SLC2A13: variants seen among roughly 807,000 people sequenced by gnomAD.
SLC2A13 encodes solute carrier family 2 member 13, also known as proton myo-inositol cotransporter.
A neutral mutation model predicts 64.4 loss-of-function variants in SLC2A13; 32 were observed. The ratio of observed to expected loss-of-function variants is 0.50; its 90% confidence interval spans 0.37 to 0.67. The LOEUF (loss-of-function observed/expected upper bound fraction) is 0.67, where lower values mean the gene tolerates loss of function less well. SLC2A13 is among the 30% of genes least tolerant of loss of function. The pLI is 0.00. For missense variants in SLC2A13, 743 were observed against 829.2 expected, an observed-to-expected ratio of 0.90 and a Z score of 1.28; for synonymous variants, 338 against 327.1, an observed-to-expected ratio of 1.03 and a Z score of -0.36.
At chr12:39,863,878 G>C (rs1043030449) in intron 6 of SLC2A13, among the ~76,000 whole-genome samples, 1 of 152,162 alleles carries the variant, frequency 6.6e-6, no homozygotes, top group African/African-American at 2.4e-5. Flanking sequence ...GGAGTTTAGG[G>C]TATAATGTTT....
chr12:39,896,284 A>G (rs568569412), intron 4 of SLC2A13, among the ~76,000 whole-genome samples: 2 of 129,178 alleles, frequency 1.5e-5, no homozygotes, highest in Non-Finnish European at 3.3e-5. Context: ...GTATACATGT[A>G]TGTATATGTG....
chr12:39,979,574 C>G (rs920317383), intron 3 of SLC2A13, among the ~76,000 whole-genome samples: 4 of 148,444 alleles, frequency 2.7e-5, no homozygotes, highest in Admixed American at 6.7e-5. Flanking sequence ...AGGGTATCAG[C>G]AACGGAAGAT....
At chr12:40,004,207 G>A (rs1947369811) in intron 3 of SLC2A13, among the ~76,000 whole-genome samples, 2 of 151,892 alleles carry the variant, frequency 1.3e-5, no homozygotes, top group Admixed American at 1.3e-4. Flanking sequence ...TATTTGAGAT[G>A]GAGTTTCACT....
rs535613231 is a variant in SLC2A13, at chr12:39,991,370, A to G, written c.925+36931T>C. Among the ~76,000 whole-genome samples the G allele has an allele frequency of 3.3e-5, 5 of 152,184 alleles. No individual in the cohort carries two copies. In the South Asian group the frequency reaches 8.3e-4, roughly 25 times the overall value. On this transcript the variant is annotated intron_variant, in intron 3 of 9. Coordinates refer to ENST00000280871, the MANE Select transcript of SLC2A13 (RefSeq NM_052885.4). ...GCCACTCCAGTGCTCTGCTCCCATC[A>G]TCTTCCGTGTTCACCCCACTCCCCT...
chr12:39,804,980 C>A (rs1181618279), intron 7 of SLC2A13, among the ~76,000 whole-genome samples: 1 of 88,568 alleles, frequency 1.1e-5, no homozygotes, highest in African/African-American at 4.5e-5. Context: ...TGGAAAGTGC[C>A]ACAGTCTGAG....
chr12:40,096,767 C>A (rs1592080820), intron 1 of SLC2A13, among the ~76,000 whole-genome samples: 1 of 152,000 alleles, frequency 6.6e-6, no homozygotes, highest in South Asian at 2.1e-4. Flanking sequence ...TATTTCTTTG[C>A]ATTAATTTCT....
At chr12:39,977,862 G>A (rs942345230) in intron 3 of SLC2A13, among the ~76,000 whole-genome samples, 6 of 152,186 alleles carry the variant, frequency 3.9e-5, no homozygotes, top group African/African-American at 9.7e-5. Flanking sequence ...CCAGGGCCTT[G>A]GCTCATGGTC....
intron 1 of SLC2A13, among the ~76,000 whole-genome samples, chr12:40,083,245 A>C (rs2624247): frequency 6.6e-6 from 1 of 152,046 alleles, no homozygotes. Flanking sequence ...ACAGAAACAG[A>C]AGATCCCCTT....
intron 3 of SLC2A13, among the ~76,000 whole-genome samples, chr12:40,011,684 T>C (rs1478744620): frequency 6.6e-6 from 1 of 152,176 alleles, no homozygotes; most frequent in South Asian, 2.1e-4. Flanking sequence ...CCTCGGCGTC[T>C]ACTGTTCCCA....
Position 40,105,144 on chromosome 12 carries a change from G to C in SLC2A13, c.556+109C>G. On this transcript the variant is annotated intron_variant, in intron 1 of 9. Transcript: ENST00000280871. The surrounding 1 kb of genome is among the most constrained non-coding windows in gnomAD (Gnocchi z 4.2). The stretch of plus-strand genomic sequence containing the variant: ...AGGCCAGAGAAGTGGAGGATTCTCT[G>C]ACCCTGGGAGACCAGACGGGGACCC... The C allele has an allele frequency of 7.2e-7, 1 of 1,383,360 alleles. No individual in the cohort carries two copies. Among genetic ancestry groups the C allele is most frequent in the African/African-American group, 1.5e-5 (1 of 65,412 alleles). The allele number at this position is 1,383,360 out of a possible 1,614,324, so 85.7% of individuals were successfully genotyped here. A position where few individuals can be genotyped will look rare whatever the true frequency, so the allele number is the denominator to read the frequency against.
intron 2 of SLC2A13, among the ~76,000 whole-genome samples, chr12:40,043,368 ACCTGTAAT>A (rs1948125118): frequency 6.6e-6 from 1 of 152,118 alleles, no homozygotes; most frequent in Non-Finnish European, 1.5e-5. Context: ...GGTGACTCAC[ACCTGTAAT>A]CCCAGCACTT....
chr12:39,794,018 C>T (rs1022203398), intron 7 of SLC2A13, among the ~76,000 whole-genome samples: 3 of 149,740 alleles, frequency 2.0e-5, no homozygotes, highest in Non-Finnish European at 4.4e-5. Context: ...CTAATACCTA[C>T]TTTCTTGTTC....
At chr12:40,046,116 T>TAA (rs1289481869) in intron 2 of SLC2A13, among the ~76,000 whole-genome samples, 2 of 152,216 alleles carry the variant, frequency 1.3e-5, no homozygotes, top group Admixed American at 6.5e-5. Context: ...ATATAATAAG[T>TAA]AATTTGGATC....
Position 39,759,868 on chromosome 12 carries a change from T to C in SLC2A13, c.*158A>G. ...TCCTTGTGGAAAAAAAAAGTCATCA[T>C]GGTTGTATCTTCCTCCTAATCAAGT... On this transcript the variant is annotated 3_prime_UTR_variant, in exon 10 of 10. Coordinates refer to ENST00000280871, the MANE Select transcript of SLC2A13 (RefSeq NM_052885.4). 1 of 588,710 alleles carries C rather than the reference T, an allele frequency of 1.7e-6. No homozygotes were observed. The highest frequency in any genetic ancestry group is 3.0e-6 in the Non-Finnish European group (1 of 335,574). The allele number at this position is 588,710 out of a possible 1,614,324, so 36.5% of individuals were successfully genotyped here. A position where few individuals can be genotyped will look rare whatever the true frequency, so the allele number is the denominator to read the frequency against.
intron 4 of SLC2A13, among the ~76,000 whole-genome samples, chr12:39,882,116 C>T (rs1944352727): frequency 6.6e-6 from 1 of 152,060 alleles, no homozygotes; most frequent in Admixed American, 6.6e-5. Context: ...TTTTATTATC[C>T]ATCATCACTC....
At chr12:40,081,616 G>GT (rs1206205657) in intron 1 of SLC2A13, among the ~76,000 whole-genome samples, 4 of 152,096 alleles carry the variant, frequency 2.6e-5, no homozygotes, top group African/African-American at 9.7e-5. Flanking sequence ...CCTGGATTCA[G>GT]TTTCAACTTT....
At chr12:39,821,358 C>G (rs1228034876) in intron 7 of SLC2A13, among the ~76,000 whole-genome samples, 1 of 151,788 alleles carries the variant, frequency 6.6e-6, no homozygotes, top group East Asian at 1.9e-4. Context: ...TGCAGTGAGC[C>G]GAGATTGTGC....
chr12:39,961,220 G>C (rs1017060399), intron 3 of SLC2A13, among the ~76,000 whole-genome samples: 1 of 151,856 alleles, frequency 6.6e-6, no homozygotes, highest in Non-Finnish European at 1.5e-5. Context: ...TGGAACTACA[G>C]GTGCACGCCA....
chr12:39,911,265 T>A (rs1184103390), intron 4 of SLC2A13, among the ~76,000 whole-genome samples: 1 of 152,096 alleles, frequency 6.6e-6, no homozygotes, highest in Admixed American at 6.5e-5. Context: ...AATGAGTTTT[T>A]AAAAATTAAT....
Sources: gnomAD v4.1 joint callset for allele counts (sites outside exome capture counted in the v4.1 genomes callset) on GRCh38, gnomAD v4.1.1 for gene constraint, Gnocchi (gnomAD v3.1) non-coding constraint, MANE v1.5 for transcripts, NCBI Gene and HGNC (gene_info 2026-07-23, HGNC 2026-07-21) for gene names.